SMG7: variants seen among roughly 807,000 people sequenced by gnomAD.
The protein encoded by SMG7 is SMG7 nonsense mediated mRNA decay factor, also known as nonsense-mediated mRNA decay factor SMG7.
In SMG7, 34 loss-of-function variants were observed where a neutral mutation model predicts 148.2. That is an observed-to-expected ratio of 0.23 (90% CI 0.17 to 0.31). SMG7 has a LOEUF of 0.31. SMG7 is among the 10% of genes least tolerant of loss of function. SMG7 has a pLI of 1.00. For synonymous variants in SMG7, 492 were observed against 515.1 expected, an observed-to-expected ratio of 0.96 and a Z score of 0.61; for missense variants, 1,114 against 1,408.4, an observed-to-expected ratio of 0.79 and a Z score of 3.35.
rs1172347332 is a variant in SMG7, at chr1:183,526,608, C to T, written c.325C>T (p.Leu109=). The T allele has an allele frequency of 1.2e-6, 2 of 1,604,680 alleles. No homozygotes were observed. Among genetic ancestry groups the T allele is most frequent in the Non-Finnish European group, 1.7e-6 (2 of 1,176,000 alleles). The change falls in exon 5 of 23, where the codon CTG becomes TTG. Residue 109 remains leucine (L), a synonymous_variant. Transcript: ENST00000688051. ...GTTTTTCTTTTAGTTATTACAAGAA[C>T]TGTGTACAGTATTTAATGTAGATTT... ...SGFYTQLLQE[L]CTVFNVDLPC...
Position 183,542,210 on chromosome 1 carries a change from C to T in SMG7, c.1550C>T (p.Ala517Val), listed in dbSNP as rs574591909. The T allele has an allele frequency of 1.2e-4, 194 of 1,614,098 alleles. 4 individuals are homozygous for T. In the South Asian group the frequency reaches 1.9e-3, roughly 15 times the overall value. Residue 517 changes from alanine (A) to valine (V), a missense_variant, in exon 14 of 23, where the codon GCA becomes GTA. Ala to Val is a moderately conservative substitution (Grantham distance 64). Transcript: ENST00000688051. Reference sequence around the variant, plus strand: ...ACATCTGTGATAGAGTCGCTGGCTGCAGATGGGAGCCCAGGGCTAAAATCA... The same window carrying T: ...ACATCTGTGATAGAGTCGCTGGCTGTAGATGGGAGCCCAGGGCTAAAATCA... Reference protein sequence around the residue: ...QETSVIESLAADGSPGLKSVL... With the variant: ...QETSVIESLAVDGSPGLKSVL...
At chr1:183,481,018 T>C (rs1385323878) in intron 1 of SMG7, among the ~76,000 whole-genome samples, 1 of 152,214 alleles carries the variant, frequency 6.6e-6, no homozygotes, top group African/African-American at 2.4e-5. Flanking sequence ...TTTTTCAGGT[T>C]CTTTACCACC....
intron 11 of SMG7, among the ~76,000 whole-genome samples, chr1:183,537,610 C>G (rs954617660): frequency 6.6e-6 from 1 of 152,178 alleles, no homozygotes; most frequent in Admixed American, 6.5e-5. Flanking sequence ...TTACTAGTCA[C>G]GATAGTATAT....
intron 2 of SMG7, chr1:183,513,158 A>C (rs1328694084): frequency 3.3e-6 from 1 of 300,732 alleles, no homozygotes; most frequent in Non-Finnish European, 5.9e-6. Context: ...ATGATTTAAG[A>C]CATACAGAAA....
intron 19 of SMG7, 37 bp downstream of exon 19, chr1:183,549,325 A>G: frequency 7.3e-7 from 1 of 1,372,198 alleles, no homozygotes; most frequent in Non-Finnish European, 1.0e-6. Flanking sequence ...GTGTGCTTTT[A>G]GTGTAGACTG....
intron 1 of SMG7, among the ~76,000 whole-genome samples, chr1:183,474,126 A>G (rs1302580100): frequency 6.6e-6 from 1 of 152,220 alleles, no homozygotes; most frequent in Non-Finnish European, 1.5e-5. Flanking sequence ...AATATTTCAA[A>G]TAAATATAGC....
chr1:183,519,141 C>T (rs1664201894), intron 4 of SMG7, among the ~76,000 whole-genome samples: 2 of 151,968 alleles, frequency 1.3e-5, no homozygotes, highest in South Asian at 2.1e-4. Context: ...TGCAGTGAAC[C>T]GTGATTGTGC....
At chr1:183,528,057 C>T (rs374757183) in intron 6 of SMG7, 30 bp downstream of exon 6, 14 of 1,541,922 alleles carry the variant, frequency 9.1e-6, no homozygotes, top group East Asian at 9.0e-5. Flanking sequence ...TGAGATTGAC[C>T]GTGACACTTT....
Position 183,552,867 on chromosome 1 carries a change from C to A in SMG7, c.*936C>A. ...TTTTTCTTTGGTTGGTTTTTGTGCC[C>A]CCATTCTACTTCCCACCCTCCTGCC... On this transcript the variant is annotated 3_prime_UTR_variant, in exon 23 of 23. Coordinates refer to ENST00000688051, the MANE Select transcript of SMG7 (RefSeq NM_001375584.1). 2 of 1,436,842 alleles carry A rather than the reference C, an allele frequency of 1.4e-6. No individual in the cohort carries two copies. The highest frequency in any genetic ancestry group is 1.8e-6 in the Non-Finnish European group (2 of 1,099,864). The allele number at this position is 1,436,842 out of a possible 1,614,324, so 89.0% of individuals were successfully genotyped here. A position where few individuals can be genotyped will look rare whatever the true frequency, so the allele number is the denominator to read the frequency against.
intron 1 of SMG7, chr1:183,472,943 A>G (rs921327658): frequency 3.1e-6 from 1 of 326,506 alleles, no homozygotes; most frequent in East Asian, 4.3e-5. Flanking sequence ...TTTGCTAGCG[A>G]GGGGTGGAGA....
At chr1:183,482,681 ATTG>A (rs1654468553) in intron 1 of SMG7, among the ~76,000 whole-genome samples, 1 of 152,154 alleles carries the variant, frequency 6.6e-6, no homozygotes, top group Non-Finnish European at 1.5e-5. Flanking sequence ...ATTATTAGCT[ATTG>A]TTAGTCTCTC....
At chr1:183,521,246 G>A (rs555313761) in intron 4 of SMG7, among the ~76,000 whole-genome samples, 12 of 151,862 alleles carry the variant, frequency 7.9e-5, no homozygotes, top group African/African-American at 2.4e-4. Context: ...TTACAGGTGC[G>A]CACCATCACA....
At chr1:183,524,695 CTTGA>C (rs1302867924) in intron 4 of SMG7, among the ~76,000 whole-genome samples, 3 of 152,200 alleles carry the variant, frequency 2.0e-5, no homozygotes, top group South Asian at 4.1e-4. Flanking sequence ...AGTCCAGTCG[CTTGA>C]TTATTTCTGC....
intron 1 of SMG7, among the ~76,000 whole-genome samples, chr1:183,477,217 A>C (rs1235870479): frequency 6.6e-6 from 1 of 152,140 alleles, no homozygotes; most frequent in Non-Finnish European, 1.5e-5. Flanking sequence ...TTCTGCTGCC[A>C]TTGTGGGAGC....
intron 1 of SMG7, among the ~76,000 whole-genome samples, chr1:183,492,817 T>A (rs1657394947): frequency 6.6e-6 from 1 of 152,168 alleles, no homozygotes; most frequent in Non-Finnish European, 1.5e-5. Context: ...TAGACCTATT[T>A]TAACATAAGC....
intron 1 of SMG7, chr1:183,508,187 AG>A: frequency 1.1e-6 from 1 of 929,396 alleles, no homozygotes; most frequent in Non-Finnish European, 1.3e-6. Context: ...ATTGAGGTAT[AG>A]TATTTTTTTC....
Position 183,546,038 on chromosome 1 carries a change from C to T in SMG7, c.2443C>T (p.Pro815Ser), listed in dbSNP as rs866404927. 2 of 1,613,964 alleles carry T rather than the reference C, an allele frequency of 1.2e-6. No homozygotes were observed. Among genetic ancestry groups the T allele is most frequent in the Non-Finnish European group, 1.7e-6 (2 of 1,179,956 alleles). ...TCAAGGCCCATTAGGGAAAATTATG[C>T]CTGTGAAACAGCCCTACTACCTTCA... ...QVQGPLGKIM[P>S]VKQPYYLQTQ... The change falls in exon 17 of 23, where the codon CCT (proline) becomes TCT (serine). Residue 815 changes from proline to serine, a missense_variant. Transcript: ENST00000688051.
intron 1 of SMG7, among the ~76,000 whole-genome samples, chr1:183,511,776 G>A (rs1416709099): frequency 6.6e-6 from 1 of 152,164 alleles, no homozygotes; most frequent in Non-Finnish European, 1.5e-5. Context: ...CAAAGCCAAG[G>A]GATGGTTCTT....
In SMG7 at chr1:183,554,122, TTGTC is replaced by T. The variant is rs1207093016; in HGVS notation, c.*2195_*2198del. On this transcript the variant is annotated 3_prime_UTR_variant, in exon 23 of 23. Coordinates refer to ENST00000688051, the MANE Select transcript of SMG7 (RefSeq NM_001375584.1). ...GTTTTCTGGGTTTTGTTTTTTGTTT[TTGTC>T]TGTGCAAGACCTGCAGCTGCTGAAA... 6.6e-6 allele frequency: 1 copy of T among 152,660 alleles called. No homozygotes were observed. Among genetic ancestry groups the T allele is most frequent in the Non-Finnish European group, 1.5e-5 (1 of 68,042 alleles). 9.5% of individuals were successfully genotyped at this position (152,660 alleles called of 1,614,324 possible). A position where few individuals can be genotyped will look rare whatever the true frequency, so the allele number is the denominator to read the frequency against.
Sources: gnomAD v4.1 joint callset for allele counts (sites outside exome capture counted in the v4.1 genomes callset) on GRCh38, gnomAD v4.1.1 for gene constraint, MANE v1.5 for transcripts, NCBI Gene and HGNC (gene_info 2026-07-23, HGNC 2026-07-21) for gene names.